The following CADPS2 variants were observed in gnomAD, a reference collection of about 807,000 sequenced individuals.
CADPS2 encodes the protein calcium-dependent secretion activator 2.
In CADPS2, 93 loss-of-function variants were observed where a neutral mutation model predicts 172.5. That is an observed-to-expected ratio of 0.54 (90% CI 0.46 to 0.64). The LOEUF is 0.64. Among genes scored for constraint, CADPS2 ranks in the 30% least tolerant of loss-of-function variants. The pLI is 0.00. For synonymous variants in CADPS2, 546 were observed against 555.2 expected (o/e 0.98, Z 0.23); for missense variants, 1,420 against 1,565.9 (o/e 0.91, Z 1.57).
chr7:122,367,104 T>C (rs1022610032), intron 25 of CADPS2, among the ~76,000 whole-genome samples: 1 of 152,184 alleles, frequency 6.6e-6, no homozygotes, highest in Admixed American at 6.5e-5. Flanking sequence ...TTTTAACAGA[T>C]GCCTTCTGAA....
chr7:122,358,540 T>C (rs2151109359), intron 27 of CADPS2, among the ~76,000 whole-genome samples: 1 of 152,212 alleles, frequency 6.6e-6, no homozygotes, highest in East Asian at 1.9e-4. Flanking sequence ...TCCAAGGCCA[T>C]ATATATTTTA....
intron 1 of CADPS2, among the ~76,000 whole-genome samples, chr7:122,853,734 C>G (rs1814362400): frequency 6.6e-6 from 1 of 152,234 alleles, no homozygotes; most frequent in African/African-American, 2.4e-5. Context: ...CCATAATATT[C>G]ATATCAAATC....
intron 1 of CADPS2, among the ~76,000 whole-genome samples, chr7:122,834,323 T>C (rs989768523): frequency 6.6e-6 from 1 of 152,222 alleles, no homozygotes; most frequent in Non-Finnish European, 1.5e-5. Context: ...AGTTCCAAGA[T>C]GGCTGAATAG....
intron 17 of CADPS2, among the ~76,000 whole-genome samples, chr7:122,437,415 T>C (rs570557753): frequency 1.3e-5 from 2 of 152,240 alleles, no homozygotes; most frequent in South Asian, 2.1e-4. Context: ...TCAATCTTTT[T>C]CCCTACCTGA....
intron 8 of CADPS2, among the ~76,000 whole-genome samples, chr7:122,545,613 G>A (rs796574012): frequency 3.3e-5 from 5 of 152,186 alleles, no homozygotes; most frequent in East Asian, 1.9e-4. Context: ...TGGGAACATC[G>A]TAGAAAAGTC....
intron 1 of CADPS2, among the ~76,000 whole-genome samples, chr7:122,848,185 C>A (rs1452405881): frequency 2.0e-5 from 3 of 152,134 alleles, no homozygotes; most frequent in Admixed American, 2.0e-4. Flanking sequence ...CTGATAAAAG[C>A]AATGCTCTTA....
At chr7:122,390,541 C>G (rs559067793) in intron 22 of CADPS2, among the ~76,000 whole-genome samples, 1 of 151,956 alleles carries the variant, frequency 6.6e-6, no homozygotes, top group African/African-American at 2.4e-5. Context: ...AACAAAATCT[C>G]TAATGGTAAA....
intron 1 of CADPS2, chr7:122,850,259 C>G: frequency 1.0e-6 from 1 of 957,622 alleles, no homozygotes; most frequent in Non-Finnish European, 1.4e-6. Flanking sequence ...TCCTGCTCCA[C>G]TGGGGGCCCC....
chr7:122,876,573 G>A (rs900511115), intron 1 of CADPS2, among the ~76,000 whole-genome samples: 23 of 151,980 alleles, frequency 1.5e-4, no homozygotes, highest in Non-Finnish European at 3.1e-4. Context: ...GTGTAGCCTA[G>A]GCTGTTCTCC....
intron 2 of CADPS2, among the ~76,000 whole-genome samples, chr7:122,700,599 T>C (rs909651536): frequency 4.6e-5 from 7 of 152,178 alleles, no homozygotes; most frequent in South Asian, 2.1e-4. Context: ...CTCATTGTTA[T>C]ATAGGTGTTT....
chr7:122,633,054 T>C (rs751078777), intron 3 of CADPS2, among the ~76,000 whole-genome samples: 8 of 152,172 alleles, frequency 5.3e-5, no homozygotes, highest in Non-Finnish European at 8.8e-5. Flanking sequence ...CATTTGTCTA[T>C]GTGTCTGTGT....
chr7:122,795,053 G>C (rs1256959440), intron 1 of CADPS2, among the ~76,000 whole-genome samples: 2 of 151,646 alleles, frequency 1.3e-5, no homozygotes, highest in Non-Finnish European at 2.9e-5. Context: ...CATCACAACT[G>C]AAAGAACTAG....
At chr7:122,808,699 GT>G (rs1799344622) in intron 1 of CADPS2, among the ~76,000 whole-genome samples, 1 of 152,110 alleles carries the variant, frequency 6.6e-6, no homozygotes, top group Admixed American at 6.5e-5. Context: ...AATCCCAGCA[GT>G]TGCCACAATA....
chr7:122,397,876 T>A (rs939430637), intron 20 of CADPS2, among the ~76,000 whole-genome samples: 1 of 152,156 alleles, frequency 6.6e-6, no homozygotes, highest in African/African-American at 2.4e-5. Flanking sequence ...TGAAAAGGGC[T>A]GCTCAGAATG....
intron 19 of CADPS2, 68 bp downstream of exon 19, chr7:122,414,000 A>C: frequency 7.6e-7 from 1 of 1,320,454 alleles, no homozygotes; most frequent in Non-Finnish European, 1.1e-6. Flanking sequence ...ATCAGAGTAG[A>C]TTGTATTTTA....
intron 1 of CADPS2, among the ~76,000 whole-genome samples, chr7:122,833,330 T>C (rs1459169266): frequency 6.6e-6 from 1 of 152,176 alleles, no homozygotes; most frequent in Admixed American, 6.6e-5. Context: ...AATAAATTGA[T>C]ATGTACCATG....
At chr7:122,669,510 G>C (rs1044385253) in intron 2 of CADPS2, among the ~76,000 whole-genome samples, 2 of 151,948 alleles carry the variant, frequency 1.3e-5, no homozygotes, top group Non-Finnish European at 2.9e-5. Flanking sequence ...CCAGTAACTG[G>C]AAGTCTAGGA....
chr7:122,638,498 A>G (rs988149514), intron 3 of CADPS2, among the ~76,000 whole-genome samples: 4 of 152,158 alleles, frequency 2.6e-5, no homozygotes, highest in Non-Finnish European at 5.9e-5. Flanking sequence ...GAGGGAGTAG[A>G]GCAATCTGTC....
intron 17 of CADPS2, among the ~76,000 whole-genome samples, chr7:122,428,679 G>C (rs1563314635): frequency 6.6e-6 from 1 of 152,008 alleles, no homozygotes; most frequent in Non-Finnish European, 1.5e-5. Flanking sequence ...ATGTTGGTCA[G>C]GCTGGTCTCG....
Sources: allele counts gnomAD v4.1 joint callset (sites outside exome capture counted in the v4.1 genomes callset), GRCh38; gene constraint gnomAD v4.1.1; transcripts MANE v1.5; gene names NCBI Gene and HGNC (gene_info 2026-07-23, HGNC 2026-07-21).